RGS6: variants seen among roughly 807,000 people sequenced by gnomAD.
RGS6 encodes regulator of G protein signaling 6, also known as regulator of G-protein signaling 6.
RGS6 carries 30 observed loss-of-function variants against 78.5 expected under a neutral mutation model. The ratio of observed to expected loss-of-function variants is 0.38; its 90% CI spans 0.29 to 0.52. The LOEUF (loss-of-function observed/expected upper bound fraction) is 0.52. RGS6 is among the 20% of genes least tolerant of loss of function. The pLI, the probability that RGS6 is intolerant of heterozygous loss-of-function variation, is 0.85. For missense variants in RGS6, 495 were observed against 609.7 expected (o/e 0.81, Z 1.98); for synonymous variants, 206 against 206.0 (o/e 1.00, Z 0.00).
chr14:72,090,487 C>T (rs2095231271), intron 2 of RGS6, among the ~76,000 whole-genome samples: 1 of 152,158 alleles, frequency 6.6e-6, no homozygotes, highest in African/African-American at 2.4e-5. Flanking sequence ...AATCTAATGC[C>T]TGGTGGTCTG....
intron 2 of RGS6, among the ~76,000 whole-genome samples, chr14:72,030,629 C>T (rs1203926193): frequency 6.7e-6 from 1 of 148,798 alleles, no homozygotes; most frequent in Admixed American, 6.7e-5. Flanking sequence ...CCTGGAGAGG[C>T]CTTTCAGCCA....
intron 3 of RGS6, among the ~76,000 whole-genome samples, chr14:72,361,335 T>G (rs1039926027): frequency 1.3e-5 from 2 of 152,162 alleles, no homozygotes; most frequent in African/African-American, 4.8e-5. Flanking sequence ...CTAAAATGAT[T>G]GCCCATTACA....
chr14:72,402,143 G>A (rs1289645198), intron 3 of RGS6, among the ~76,000 whole-genome samples: 2 of 152,172 alleles, frequency 1.3e-5, no homozygotes, highest in Non-Finnish European at 2.9e-5. Flanking sequence ...CCTCCCCTTG[G>A]CTGAACCCAG....
the RGS6 span, among the ~76,000 whole-genome samples, chr14:71,925,015 C>G: frequency 1.3e-5 from 2 of 152,194 alleles, no homozygotes; most frequent in South Asian, 4.1e-4. Flanking sequence ...TCCATAATGG[C>G]TCTACCAGTT....
chr14:72,153,104 C>A (rs1391404373), intron 2 of RGS6, among the ~76,000 whole-genome samples: 2 of 152,116 alleles, frequency 1.3e-5, no homozygotes, highest in Admixed American at 1.3e-4. Flanking sequence ...TTGGCTGTCT[C>A]ATTATGAATG....
chr14:72,586,047 G>C, the RGS6 span, among the ~76,000 whole-genome samples: 1 of 152,190 alleles, frequency 6.6e-6, no homozygotes, highest in Non-Finnish European at 1.5e-5. Context: ...TTCCCCTCTA[G>C]ATAAAATCTG....
intron 2 of RGS6, among the ~76,000 whole-genome samples, chr14:72,328,012 C>A (rs1409106633): frequency 6.6e-6 from 1 of 152,128 alleles, no homozygotes; most frequent in Non-Finnish European, 1.5e-5. Flanking sequence ...GCTAGAGAAG[C>A]AGGAAAGCCA....
chr14:72,416,387 A>G (rs2093811064), intron 3 of RGS6, among the ~76,000 whole-genome samples: 1 of 152,204 alleles, frequency 6.6e-6, no homozygotes, highest in East Asian at 1.9e-4. Flanking sequence ...CTGAATGAGA[A>G]AAGTTTTGCA....
At position 72,306,046 on chromosome 14, in the gene RGS6, T is replaced by C. The variant is rs528635593; in HGVS notation, c.85-46049T>C. 2.0e-5 allele frequency among the ~76,000 whole-genome samples: 3 copies of C among 152,342 alleles called. No individual in the cohort carries two copies. The East Asian group carries it at 5.8e-4, about 29-fold the overall frequency. On this transcript the variant is annotated intron_variant, in intron 2 of 17. Coordinates refer to ENST00000553525, the MANE Select transcript of RGS6 (RefSeq NM_001204424.2). ...CAATGCCTGGCTTCAAAAGACAGGC[T>C]GACTCTCTTGTTAGGGGATAGTGCA...
intron 1 of RGS6, among the ~76,000 whole-genome samples, chr14:71,959,629 C>T (rs1402550553): frequency 6.6e-6 from 1 of 151,674 alleles, no homozygotes; most frequent in Non-Finnish European, 1.5e-5. Flanking sequence ...GTGTCAGGAT[C>T]ACCTGAGGAG....
At chr14:72,187,304 G>A (rs973682754) in intron 2 of RGS6, among the ~76,000 whole-genome samples, 6 of 152,124 alleles carry the variant, frequency 3.9e-5, no homozygotes, top group Non-Finnish European at 7.4e-5. Context: ...AATGCTATTG[G>A]CACAAAGATG....
chr14:71,941,512 T>G (rs926278132), intron 1 of RGS6, among the ~76,000 whole-genome samples: 1 of 152,198 alleles, frequency 6.6e-6, no homozygotes, highest in Admixed American at 6.5e-5. Context: ...TTATTAAGTA[T>G]TCACTTACAC....
At chr14:72,436,097 G>A (rs1186511965) in intron 3 of RGS6, among the ~76,000 whole-genome samples, 1 of 152,130 alleles carries the variant, frequency 6.6e-6, no homozygotes, top group Non-Finnish European at 1.5e-5. Flanking sequence ...GAGATATGAT[G>A]GCTGATGCTT....
intron 2 of RGS6, among the ~76,000 whole-genome samples, chr14:71,971,906 G>GTTT (rs57854685): frequency 1.9e-5 from 2 of 104,446 alleles, no homozygotes; most frequent in African/African-American, 3.8e-5. Context: ...AATATGGCAG[G>GTTT]TTTTTTTTTT....
At chr14:72,173,126 C>T (rs2097050515) in intron 2 of RGS6, among the ~76,000 whole-genome samples, 1 of 152,134 alleles carries the variant, frequency 6.6e-6, no homozygotes, top group Non-Finnish European at 1.5e-5. Flanking sequence ...CTGGAACATA[C>T]TGGCAGACAC....
chr14:72,000,743 A>G (rs1321477455), intron 2 of RGS6, among the ~76,000 whole-genome samples: 1 of 152,184 alleles, frequency 6.6e-6, no homozygotes, highest in East Asian at 1.9e-4. Flanking sequence ...GTTGCATGCC[A>G]CAGAAAGGTC....
the RGS6 span, among the ~76,000 whole-genome samples, chr14:72,608,539 T>C: frequency 6.6e-6 from 1 of 152,086 alleles, no homozygotes; most frequent in East Asian, 1.9e-4. Flanking sequence ...TCCCCAACCA[T>C]ATTCCCCCAC....
At chr14:72,261,886 T>C (rs962479082) in intron 2 of RGS6, among the ~76,000 whole-genome samples, 4 of 152,238 alleles carry the variant, frequency 2.6e-5, no homozygotes, top group African/African-American at 9.6e-5. Context: ...GTGACTCTGT[T>C]CTAGAGATAA....
chr14:72,534,882 G>A (rs1180177148), intron 15 of RGS6, among the ~76,000 whole-genome samples: 2 of 152,010 alleles, frequency 1.3e-5, no homozygotes, highest in Non-Finnish European at 2.9e-5. Context: ...TCACCACTAG[G>A]GCCTTTGTCT....
Sources: gnomAD v4.1 joint callset for allele counts (sites outside exome capture counted in the v4.1 genomes callset) on GRCh38, gnomAD v4.1.1 for gene constraint, MANE v1.5 for transcripts, NCBI Gene and HGNC (gene_info 2026-07-23, HGNC 2026-07-21) for gene names.